LRPPRC: variants seen among roughly 807,000 people sequenced by gnomAD.
LRPPRC encodes leucine-rich PPR motif-containing protein, mitochondrial.
A neutral mutation model predicts 180.3 loss-of-function variants in LRPPRC; 120 were observed. The ratio of observed to expected loss-of-function variants is 0.67; its 90% CI spans 0.57 to 0.77. The LOEUF (loss-of-function observed/expected upper bound fraction) is 0.77, where lower values mean the gene tolerates loss of function less well. Ranked by LOEUF, LRPPRC falls within the 30% of genes least tolerant of loss-of-function variation. The pLI is 0.00. For synonymous variants in LRPPRC, 723 were observed against 600.0 expected, an observed-to-expected ratio of 1.21 and a Z score of -3.00; for missense variants, 2,012 against 1,657.2, an observed-to-expected ratio of 1.21 and a Z score of -3.72.
intron 25 of LRPPRC, among the ~76,000 whole-genome samples, chr2:43,929,169 A>C (rs1671993821): frequency 2.0e-5 from 3 of 152,226 alleles, no homozygotes; most frequent in Admixed American, 2.0e-4. Flanking sequence ...TCTACAGTAC[A>C]TAACAAGCAA....
intron 11 of LRPPRC, among the ~76,000 whole-genome samples, chr2:43,965,674 A>C (rs1439493917): frequency 6.6e-6 from 1 of 152,182 alleles, no homozygotes; most frequent in Non-Finnish European, 1.5e-5. Context: ...TAGCAAAAAA[A>C]CCCCAAATAA....
intron 1 of LRPPRC, among the ~76,000 whole-genome samples, chr2:43,992,885 T>G (rs1674848620): frequency 6.6e-6 from 1 of 152,104 alleles, no homozygotes; most frequent in Admixed American, 6.5e-5. Context: ...ATGGTCCATA[T>G]CTGGGAGAAA....
At chr2:43,925,390 T>G (rs78846015) in intron 26 of LRPPRC, among the ~76,000 whole-genome samples, 1 of 152,084 alleles carries the variant, frequency 6.6e-6, no homozygotes, top group African/African-American at 2.4e-5. Context: ...ACCACAATTT[T>G]AAAAAAATTT....
chr2:43,912,901 C>G (rs545432628), intron 29 of LRPPRC, among the ~76,000 whole-genome samples: 2 of 152,152 alleles, frequency 1.3e-5, no homozygotes, highest in African/African-American at 4.8e-5. Flanking sequence ...ATACTAGTTT[C>G]AAAATAAATC....
rs1382018844 is a variant in LRPPRC, at chr2:43,948,515, G to A, written c.1739C>T (p.Ala580Val). Reference sequence around the variant, plus strand: ...CAAGTTATAAAGAAAATAGCCAACAGCTTCTGTGGAAAAAAACAAGAGAAA... The same window carrying A: ...CAAGTTATAAAGAAAATAGCCAACAACTTCTGTGGAAAAAAACAAGAGAAA... Reference protein sequence around the residue: ...YCQEPRGPTEAVGYFLYNLID... With the variant: ...YCQEPRGPTEVVGYFLYNLID... The change falls in exon 17 of 38, where the codon GCT becomes GTT. Residue 580 changes from alanine to valine, a missense_variant. By Grantham distance (64) the Ala-to-Val change is moderately conservative. Transcript: ENST00000260665. 3 of 1,528,390 alleles carry A rather than the reference G, an allele frequency of 2.0e-6. No homozygotes were observed. The highest frequency in any genetic ancestry group is 2.7e-6 in the Non-Finnish European group (3 of 1,101,952). 94.7% of individuals were successfully genotyped at this position (1,528,390 alleles called of 1,614,324 possible).
intron 31 of LRPPRC, 58 bp downstream of exon 31, chr2:43,905,634 T>TA (rs2105001064): frequency 8.0e-7 from 1 of 1,245,978 alleles, no homozygotes; most frequent in Non-Finnish European, 1.2e-6. Context: ...CGAAGGGCGT[T>TA]ACAAGAAAAA....
At chr2:43,960,396 G>C in intron 13 of LRPPRC, 145 bp downstream of exon 13, 1 of 661,688 alleles carries the variant, frequency 1.5e-6, no homozygotes, top group Admixed American at 2.2e-5. Flanking sequence ...TTATCCACAA[G>C]TTCAACTCAT....
At chr2:43,939,683 T>C (rs989855914) in intron 23 of LRPPRC, among the ~76,000 whole-genome samples, 1 of 152,174 alleles carries the variant, frequency 6.6e-6, no homozygotes, top group African/African-American at 2.4e-5. Context: ...CATCTATAAA[T>C]GAGGAATCTT....
At chr2:43,898,647 G>A (rs1344383700) in intron 34 of LRPPRC, among the ~76,000 whole-genome samples, 2 of 152,164 alleles carry the variant, frequency 1.3e-5, no homozygotes. Context: ...ATTTAACTGA[G>A]AGTGCGGGCC....
At chr2:43,966,793 G>A (rs926483711) in intron 11 of LRPPRC, among the ~76,000 whole-genome samples, 2 of 150,884 alleles carry the variant, frequency 1.3e-5, no homozygotes, top group African/African-American at 2.4e-5. Flanking sequence ...GCTCACACCT[G>A]TAATCCCAGC....
At chr2:43,889,290 G>C (rs530059625) in intron 37 of LRPPRC, among the ~76,000 whole-genome samples, 150 of 121,034 alleles carry the variant, frequency 1.2e-3, no homozygotes, top group African/African-American at 5.1e-3. Flanking sequence ...ACTCCAGCCT[G>C]GGCAACACAG....
chr2:43,962,748 G>C (rs1673401717), intron 12 of LRPPRC, among the ~76,000 whole-genome samples: 1 of 152,102 alleles, frequency 6.6e-6, no homozygotes, highest in East Asian at 1.9e-4. Flanking sequence ...GAGACAGAAA[G>C]ACTAGTATAT....
At chr2:43,942,059 T>C (rs1436513156) in intron 23 of LRPPRC, among the ~76,000 whole-genome samples, 1 of 152,082 alleles carries the variant, frequency 6.6e-6, no homozygotes, top group African/African-American at 2.4e-5. Context: ...AGGTTAACAT[T>C]TGAATTCCAC....
At position 43,975,112 on chromosome 2, in the gene LRPPRC, G is replaced by A. The variant is rs766703715; in HGVS notation, c.843C>T (p.Gly281=). 2.9e-5 allele frequency: 46 copies of A among 1,612,862 alleles called. No homozygotes were observed. The highest frequency in any genetic ancestry group is 1.8e-4 in the South Asian group (16 of 91,064). Residue 281 remains glycine (G), a synonymous_variant, in exon 7 of 38, where the codon GGC becomes GGT. Coordinates refer to ENST00000260665, the MANE Select transcript of LRPPRC (RefSeq NM_133259.4). ...ATACCTGCTTAACATGGTCAATGTCGCCCTTCTCAGCATATGCATTCAATA... is the reference window on the plus strand; with the variant it reads ...ATACCTGCTTAACATGGTCAATGTCACCCTTCTCAGCATATGCATTCAATA... The part of the protein sequence containing the change: ...LALLNAYAEK[G]DIDHVKQTLE...
intron 23 of LRPPRC, among the ~76,000 whole-genome samples, chr2:43,939,675 T>G (rs779501400): frequency 6.6e-6 from 1 of 152,188 alleles, no homozygotes; most frequent in Non-Finnish European, 1.5e-5. Context: ...CTGTTCATCA[T>G]CTATAAATGA....
chr2:43,975,836 G>T (rs1018362464), intron 6 of LRPPRC, among the ~76,000 whole-genome samples: 1 of 152,084 alleles, frequency 6.6e-6, no homozygotes, highest in Non-Finnish European at 1.5e-5. Context: ...GCCCACCTCA[G>T]CCTCCCAAAG....
At chr2:43,979,034 A>G (rs1674183186) in intron 3 of LRPPRC, among the ~76,000 whole-genome samples, 1 of 152,110 alleles carries the variant, frequency 6.6e-6, no homozygotes, top group Admixed American at 6.6e-5. Context: ...GATTTTTAAC[A>G]CATTAAAGAA....
chr2:43,934,010 C>A (rs1413499945), intron 25 of LRPPRC, among the ~76,000 whole-genome samples, 180 bp downstream of exon 25: 1 of 152,104 alleles, frequency 6.6e-6, no homozygotes, highest in Non-Finnish European at 1.5e-5. Context: ...ACTGCCTTTT[C>A]TGAACTGTAA....
At chr2:43,966,414 A>T (rs1243898402) in intron 11 of LRPPRC, among the ~76,000 whole-genome samples, 2 of 147,186 alleles carry the variant, frequency 1.4e-5, no homozygotes, top group Admixed American at 1.4e-4. Context: ...TGGCCACAAT[A>T]TTTTTTTTTT....
Sources: gnomAD v4.1 joint callset for allele counts (sites outside exome capture counted in the v4.1 genomes callset) on GRCh38, gnomAD v4.1.1 for gene constraint, MANE v1.5 for transcripts, NCBI Gene and HGNC (gene_info 2026-07-23, HGNC 2026-07-21) for gene names.